ACACA: variants seen among roughly 807,000 people sequenced by gnomAD.
The protein encoded by ACACA is acetyl-CoA carboxylase alpha.
ACACA carries 103 observed loss-of-function variants against 296.1 expected under a neutral mutation model. That is an observed-to-expected ratio of 0.35 (90% CI 0.30 to 0.41). ACACA has a LOEUF of 0.41. ACACA is among the 10% of genes least tolerant of loss of function. ACACA has a pLI of 1.00. For missense variants in ACACA, 1,554 were observed against 2,989.7 expected, an observed-to-expected ratio of 0.52 and a Z score of 11.20; for synonymous variants, 953 against 1,038.6, an observed-to-expected ratio of 0.92 and a Z score of 1.58.
intron 41 of ACACA, among the ~76,000 whole-genome samples, 188 bp from the exon 42 acceptor site, chr17:37,162,238 A>G (rs932085178): frequency 6.6e-6 from 1 of 152,204 alleles, no homozygotes; most frequent in Non-Finnish European, 1.5e-5. Context: ...TGCTGAGAAC[A>G]GCTGGTCTAC....
Position 37,173,999 on chromosome 17 carries a change from TATATATATATA to T in ACACA, c.5079+5250_5079+5260del, listed in dbSNP as rs2076993002. On this transcript the variant is annotated intron_variant, in intron 41 of 55. Coordinates refer to ENST00000616317, the MANE Select transcript of ACACA (RefSeq NM_198834.3). ...TGGCTAATTTATATATATATATATA[TATATATATATA>T]TATATATATATTTTTTTTTTTTTTT... is the stretch of plus-strand genomic sequence containing the variant. Among the ~76,000 whole-genome samples, 10 of 10,610 alleles carry T rather than the reference TATATATATATA, an allele frequency of 9.4e-4. 1 individual carries two copies. Among genetic ancestry groups the T allele is most frequent in the African/African-American group, 2.5e-3 (4 of 1,632 alleles). The allele number at this position is 10,610 out of a possible 152,430, so 7.0% of individuals were successfully genotyped here.
intron 1 of ACACA, among the ~76,000 whole-genome samples, chr17:37,400,733 T>C (rs1733146659): frequency 7.1e-6 from 1 of 140,708 alleles, no homozygotes; most frequent in East Asian, 2.0e-4. Flanking sequence ...TTCCATTGTG[T>C]GTGTGTCTGT....
intron 3 of ACACA, among the ~76,000 whole-genome samples, chr17:37,298,108 C>T (rs748577098): frequency 6.6e-6 from 1 of 152,080 alleles, no homozygotes; most frequent in Non-Finnish European, 1.5e-5. Flanking sequence ...CAGGCTCATG[C>T]CACTGCACTC....
Position 37,181,900 on chromosome 17 carries a change from CAAAAAAAAAAAAAAAA to C in ACACA, c.4777-560_4777-545del, listed in dbSNP as rs61045031. 2.5e-3 allele frequency among the ~76,000 whole-genome samples: 55 copies of C among 22,236 alleles called. 1 individual carries two copies. The highest frequency in any genetic ancestry group is 0.015 in the East Asian group (11 of 740). 14.6% of individuals were successfully genotyped at this position (22,236 alleles called of 152,430 possible). A position where few individuals can be genotyped will look rare whatever the true frequency, so the allele number is the denominator to read the frequency against. ...GGGCAACAGAGCAAGACTCTGTATC[CAAAAAAAAAAAAAAAA>C]AAAAAAAAAAAAGGAAATAAACAAG... On this transcript the variant is annotated intron_variant, in intron 39 of 55. Coordinates refer to ENST00000616317, the MANE Select transcript of ACACA (RefSeq NM_198834.3).
rs78920188 is a variant in ACACA at position 37,147,239 on chromosome 17, A to G, written c.5679+2625T>C. Among the ~76,000 whole-genome samples, 875 of 152,296 alleles carry G rather than the reference A, an allele frequency of 5.7e-3. 11 individuals carry two copies. The highest frequency in any genetic ancestry group is 0.02 in the African/African-American group (824 of 41,544). ...CTATGAGCAAAATGGCCAAGGCTTA[A>G]GAAAGGAGGCTCTATAATGTTTCAA... On this transcript the variant is annotated intron_variant, in intron 45 of 55. Coordinates refer to ENST00000616317, the MANE Select transcript of ACACA (RefSeq NM_198834.3).
intron 18 of ACACA, among the ~76,000 whole-genome samples, chr17:37,247,596 G>A (rs57439459): frequency 0.011 from 1,730 of 152,192 alleles, 38 homozygotes; most frequent in African/African-American, 0.038. Context: ...TGAACTCCCA[G>A]CCTCAGGTGA....
At chr17:37,396,879 T>G (rs186863473) in intron 1 of ACACA, among the ~76,000 whole-genome samples, 1 of 152,128 alleles carries the variant, frequency 6.6e-6, no homozygotes, top group Non-Finnish European at 1.5e-5. Flanking sequence ...TCTTCCCTAT[T>G]ATTAGTAATA....
At chr17:37,296,046 T>C (rs981679905) in intron 3 of ACACA, among the ~76,000 whole-genome samples, 9 of 152,232 alleles carry the variant, frequency 5.9e-5, no homozygotes, top group African/African-American at 2.2e-4. Context: ...TTCTGGGGTT[T>C]AAATACCCTC....
chr17:37,189,333 T>C (rs780370443), intron 38 of ACACA, among the ~76,000 whole-genome samples: 4 of 152,254 alleles, frequency 2.6e-5, no homozygotes, highest in Non-Finnish European at 4.4e-5. Flanking sequence ...CCTCAACTTC[T>C]TAGAAAATCT....
At chr17:37,367,225 A>G (rs545772719) in intron 1 of ACACA, among the ~76,000 whole-genome samples, 1 of 149,138 alleles carries the variant, frequency 6.7e-6, no homozygotes, top group East Asian at 1.9e-4. Context: ...TATTGGAAAA[A>G]GAAAAAAAAA....
At chr17:37,167,562 ACCTGC>A (rs2076727739) in intron 41 of ACACA, among the ~76,000 whole-genome samples, 3 of 151,600 alleles carry the variant, frequency 2.0e-5, no homozygotes. Context: ...CAGGTGATCC[ACCTGC>A]CTCGGCCTCC....
intron 24 of ACACA, among the ~76,000 whole-genome samples, chr17:37,236,373 G>A (rs1473673180): frequency 1.3e-5 from 2 of 152,016 alleles, no homozygotes; most frequent in Non-Finnish European, 2.9e-5. Context: ...GCTTTGAAGT[G>A]ACAACACAAA....
intron 21 of ACACA, 27 bp from the exon 22 acceptor site, chr17:37,243,586 G>T: frequency 6.2e-7 from 1 of 1,607,778 alleles, no homozygotes; most frequent in South Asian, 1.1e-5. Context: ...GGTAAAATAG[G>T]ACCCAAGTTA....
chr17:37,199,994 G>C, intron 35 of ACACA, 145 bp downstream of exon 35: 1 of 691,548 alleles, frequency 1.4e-6, no homozygotes, highest in South Asian at 2.1e-5. Context: ...TGGGATTACA[G>C]AGAACTGAAT....
At chr17:37,126,947 C>G (rs1003554971) in intron 47 of ACACA, among the ~76,000 whole-genome samples, 1 of 152,178 alleles carries the variant, frequency 6.6e-6, no homozygotes, top group African/African-American at 2.4e-5. Flanking sequence ...TCTGCTTTAA[C>G]TTATCACAGG....
chr17:37,192,081 A>G lies in ACACA; in HGVS notation c.4416+9T>C. On this transcript the variant is annotated intron_variant, in intron 37 of 55. Transcript: ENST00000616317. ...CAGGGATAACATCCCATTAAAGTACAGCACCCACCTTGGTGACCAGATCAG... is the reference window on the plus strand; with the variant it reads ...CAGGGATAACATCCCATTAAAGTACGGCACCCACCTTGGTGACCAGATCAG... 1.2e-6 allele frequency: 2 copies of G among 1,613,822 alleles called. No individual in the cohort carries two copies. Among genetic ancestry groups the G allele is most frequent in the Non-Finnish European group, 1.7e-6 (2 of 1,179,804 alleles).
intron 54 of ACACA, among the ~76,000 whole-genome samples, chr17:37,090,829 T>G (rs1306569731): frequency 6.6e-6 from 1 of 151,878 alleles, no homozygotes; most frequent in African/African-American, 2.4e-5. Context: ...TTCTGCTCCG[T>G]GGTTTCAGGA....
intron 9 of ACACA, among the ~76,000 whole-genome samples, chr17:37,271,156 G>A (rs1052218024): frequency 2.6e-5 from 4 of 152,168 alleles, no homozygotes; most frequent in African/African-American, 9.7e-5. Context: ...AATTATATAT[G>A]CATTCATACA....
intron 52 of ACACA, among the ~76,000 whole-genome samples, chr17:37,105,624 G>GGAGGCC (rs2073632349): frequency 6.6e-6 from 1 of 152,096 alleles, no homozygotes; most frequent in Non-Finnish European, 1.5e-5. Flanking sequence ...CAACACTTTA[G>GGAGGCC]GAGGCCGAGG....
Sources: gnomAD v4.1 joint callset for allele counts (sites outside exome capture counted in the v4.1 genomes callset) on GRCh38, gnomAD v4.1.1 for gene constraint, MANE v1.5 for transcripts, NCBI Gene and HGNC (gene_info 2026-07-23, HGNC 2026-07-21) for gene names.